PDS5A: variants seen among roughly 807,000 people sequenced by gnomAD.
PDS5A encodes sister chromatid cohesion protein PDS5 homolog A.
In PDS5A, 42 loss-of-function variants were observed where a neutral mutation model predicts 167.1. The ratio of observed to expected loss-of-function variants is 0.25; its 90% CI spans 0.20 to 0.33. The LOEUF (loss-of-function observed/expected upper bound fraction) is 0.33. Among genes scored for constraint, PDS5A ranks in the 10% least tolerant of loss-of-function variants. PDS5A has a pLI of 1.00. For synonymous variants in PDS5A, 553 were observed against 554.6 expected, an observed-to-expected ratio of 1.00 and a Z score of 0.04; for missense variants, 1,033 against 1,605.9, an observed-to-expected ratio of 0.64 and a Z score of 6.10.
chr4:39,866,990 G>A lies in PDS5A; in HGVS notation c.2513C>T (p.Ala838Val). 1 of 1,598,384 alleles carries A rather than the reference G, an allele frequency of 6.3e-7. No homozygotes were observed. Among genetic ancestry groups the A allele is most frequent in the Non-Finnish European group, 8.5e-7 (1 of 1,174,608 alleles). The change falls in exon 23 of 33, where the codon GCA (alanine) becomes GTA (valine). Residue 838 changes from alanine (A) to valine (V), a missense_variant. This residue lies in a region of PDS5A where 367 missense variants were observed against 686.7 expected (regional missense o/e 0.53). Transcript: ENST00000303538. ...VSPEVLAKVQ[A>V]IKLLVRWLLG... ...CAGCCACCTTACCAGAAGTTTAATT[G>A]CCTGTACCTATAAAATATTAACATG... is the stretch of plus-strand genomic sequence containing the variant.
intron 2 of PDS5A, among the ~76,000 whole-genome samples, chr4:39,969,188 C>G (rs901841581): frequency 6.6e-6 from 1 of 152,204 alleles, no homozygotes; most frequent in South Asian, 2.1e-4. Context: ...CTTCTATTAT[C>G]TAAGTAGCAG....
At chr4:39,942,824 A>C (rs932480177) in intron 2 of PDS5A, among the ~76,000 whole-genome samples, 8 of 152,106 alleles carry the variant, frequency 5.3e-5, no homozygotes, top group African/African-American at 1.9e-4. Flanking sequence ...GGTCATTAGC[A>C]TAAAAATCGT....
chr4:39,822,980 A>T lies in PDS5A; in HGVS notation c.*2505T>A, dbSNP rs1578547993. The T allele has an allele frequency of 1.3e-5, 2 of 152,654 alleles. No homozygotes were observed. Among genetic ancestry groups the T allele is most frequent in the Admixed American group, 6.5e-5 (1 of 15,268 alleles). The allele number at this position is 152,654 out of a possible 1,614,324, so 9.5% of individuals were successfully genotyped here. On this transcript the variant is annotated 3_prime_UTR_variant, in exon 33 of 33. Transcript: ENST00000303538. ...GTTCTGCTTCAAGTTTTTAAAAAAA[A>T]TTTAAAAATTCAGCCCATGTGCAGC... is the stretch of plus-strand genomic sequence containing the variant.
At chr4:39,869,197 A>ACGAT (rs1381476788) in intron 22 of PDS5A, among the ~76,000 whole-genome samples, 197 bp downstream of exon 22, 1 of 152,224 alleles carries the variant, frequency 6.6e-6, no homozygotes, top group African/African-American at 2.4e-5. Flanking sequence ...CCAGCTAGGC[A>ACGAT]CGATGGCTTA....
At chr4:39,963,484 G>A (rs1258862883) in intron 2 of PDS5A, among the ~76,000 whole-genome samples, 1 of 151,926 alleles carries the variant, frequency 6.6e-6, no homozygotes, top group African/African-American at 2.4e-5. Context: ...GCTGCACACA[G>A]TGGCCTGTAA....
At chr4:39,829,905 C>T (rs964238536) in intron 32 of PDS5A, among the ~76,000 whole-genome samples, 4 of 122,464 alleles carry the variant, frequency 3.3e-5, no homozygotes, top group Non-Finnish European at 6.3e-5. Context: ...GAGCTGAGAT[C>T]GAGCCACTGT....
At chr4:39,833,735 C>T (rs977015640) in intron 32 of PDS5A, among the ~76,000 whole-genome samples, 1 of 152,046 alleles carries the variant, frequency 6.6e-6, no homozygotes. Flanking sequence ...GAACATCATG[C>T]CCTCCACATC....
chr4:39,830,060 A>G (rs1243992383), intron 32 of PDS5A, among the ~76,000 whole-genome samples: 2 of 150,856 alleles, frequency 1.3e-5, no homozygotes, highest in Admixed American at 6.6e-5. Flanking sequence ...ATCTTAAGCC[A>G]TGCCCTGTGT....
intron 31 of PDS5A, among the ~76,000 whole-genome samples, chr4:39,838,548 C>A (rs1314472521): frequency 2.6e-5 from 4 of 152,090 alleles, no homozygotes; most frequent in Non-Finnish European, 4.4e-5. Context: ...ATAGTGAGAT[C>A]CCATCTCTAC....
At chr4:39,962,158 C>T (rs1360625752) in intron 2 of PDS5A, among the ~76,000 whole-genome samples, 1 of 151,936 alleles carries the variant, frequency 6.6e-6, no homozygotes. Flanking sequence ...CCCGGGTTCA[C>T]GGCATTCTCC....
rs146512896 is a variant in PDS5A, at chr4:39,920,293, GAATA to G, written c.735+22_735+25del. On this transcript the variant is annotated intron_variant, in intron 7 of 32. Coordinates refer to ENST00000303538, the MANE Select transcript of PDS5A (RefSeq NM_001100399.2). ...AATGGATTAAGAATTACAAAATATA[GAATA>G]AACATAGAAAGAAATACATACATTA... The G allele has an allele frequency of 1.3e-3, 1,275 of 979,378 alleles. 8 individuals carry two copies. In the African/African-American group the frequency reaches 0.018, roughly 14 times the overall value. 60.7% of individuals were successfully genotyped at this position (979,378 alleles called of 1,614,324 possible). A position where few individuals can be genotyped will look rare whatever the true frequency, so the allele number is the denominator to read the frequency against.
chr4:39,843,068 T>C (rs1395542534), intron 30 of PDS5A, among the ~76,000 whole-genome samples: 1 of 151,050 alleles, frequency 6.6e-6, no homozygotes, highest in Non-Finnish European at 1.5e-5. Flanking sequence ...TACAAGTGTA[T>C]GCCCCCATGA....
chr4:39,937,140 C>T (rs1049486078), intron 2 of PDS5A, among the ~76,000 whole-genome samples: 1 of 152,124 alleles, frequency 6.6e-6, no homozygotes, highest in Non-Finnish European at 1.5e-5. Context: ...CAAGACTGAA[C>T]TCAATCTCCA....
At chr4:39,902,811 G>A (rs1722995639) in intron 12 of PDS5A, among the ~76,000 whole-genome samples, 1 of 152,052 alleles carries the variant, frequency 6.6e-6, no homozygotes, top group African/African-American at 2.4e-5. Context: ...CGGGCATGAG[G>A]CACCACACCC....
At chr4:39,962,678 CCTGT>C (rs1729600432) in intron 2 of PDS5A, among the ~76,000 whole-genome samples, 1 of 151,848 alleles carries the variant, frequency 6.6e-6, no homozygotes, top group Non-Finnish European at 1.5e-5. Flanking sequence ...GTGACACAAG[CCTGT>C]AATCCCATCT....
In PDS5A at chr4:39,902,702, T is replaced by C. The variant is rs547653234; in HGVS notation, c.1386-242A>G. 4.6e-5 allele frequency among the ~76,000 whole-genome samples: 7 copies of C among 152,170 alleles called. No individual in the cohort carries two copies. The South Asian group carries it at 1.5e-3, about 32-fold the overall frequency. On this transcript the variant is annotated intron_variant, in intron 12 of 32. Coordinates refer to ENST00000303538, the MANE Select transcript of PDS5A (RefSeq NM_001100399.2). ...CATGCCCAGCTAATTTTTATATTTT[T>C]TGTAGAGACAAGGTGTCCCTATGTT... is the stretch of plus-strand genomic sequence containing the variant.
At position 39,857,318 on chromosome 4, in the gene PDS5A, T is replaced by C. The variant is rs531987024; in HGVS notation, c.3086+4901A>G. Among the ~76,000 whole-genome samples, 743 of 147,994 alleles carry C rather than the reference T, an allele frequency of 5.0e-3. 6 individuals carry two copies. The highest frequency in any genetic ancestry group is 0.018 in the African/African-American group (708 of 39,968). ...AGTGAGCCGAGATCGCGCCACTGCA[T>C]TCCAGCCTGGGCGACAGAGTGAGAC... On this transcript the variant is annotated intron_variant, in intron 26 of 32. Coordinates refer to ENST00000303538, the MANE Select transcript of PDS5A (RefSeq NM_001100399.2).
intron 16 of PDS5A, among the ~76,000 whole-genome samples, chr4:39,893,015 T>A (rs967351163): frequency 1.3e-5 from 2 of 152,138 alleles, no homozygotes; most frequent in African/African-American, 4.8e-5. Flanking sequence ...GTGAAGAAAA[T>A]GAATAAGGAG....
At chr4:39,834,840 G>A (rs1479765793) in intron 32 of PDS5A, among the ~76,000 whole-genome samples, 4 of 151,982 alleles carry the variant, frequency 2.6e-5, no homozygotes, top group Non-Finnish European at 4.4e-5. Context: ...CACGTTCCCC[G>A]ATTGAAACTC....
Sources: gnomAD v4.1 joint callset for allele counts (sites outside exome capture counted in the v4.1 genomes callset) on GRCh38, gnomAD v4.1.1 for gene constraint, gnomAD v4.1.1 regional missense constraint, MANE v1.5 for transcripts, NCBI Gene and HGNC (gene_info 2026-07-23, HGNC 2026-07-21) for gene names.